The following MDGA1 variants were observed in gnomAD, a reference collection of about 807,000 sequenced individuals.
MDGA1 encodes the protein MAM domain-containing glycosylphosphatidylinositol anchor protein 1.
In MDGA1, 54 loss-of-function variants were observed where a neutral mutation model predicts 101.5. That is an observed-to-expected ratio of 0.53 (90% CI 0.43 to 0.67). The LOEUF (loss-of-function observed/expected upper bound fraction) is 0.67. Among genes scored for constraint, MDGA1 ranks in the 30% least tolerant of loss-of-function variants. The pLI is 0.00. For synonymous variants in MDGA1, 533 were observed against 558.3 expected, an observed-to-expected ratio of 0.95 and a Z score of 0.64; for missense variants, 1,083 against 1,323.8, an observed-to-expected ratio of 0.82 and a Z score of 2.82.
intron 8 of MDGA1, among the ~76,000 whole-genome samples, 157 bp from the exon 9 acceptor site, chr6:37,649,423 C>G (rs1344280554): frequency 6.6e-6 from 1 of 152,228 alleles, no homozygotes; most frequent in African/African-American, 2.4e-5. Flanking sequence ...CCTCCAATGG[C>G]CACGATCTTA....
At chr6:37,651,831 C>T (rs1761369210) in intron 7 of MDGA1, among the ~76,000 whole-genome samples, 180 bp downstream of exon 7, 1 of 152,188 alleles carries the variant, frequency 6.6e-6, no homozygotes, top group Non-Finnish European at 1.5e-5. Flanking sequence ...ACCGCTCTAC[C>T]CCAGGACCTA....
chr6:37,674,916 G>T (rs1561858112), intron 1 of MDGA1, among the ~76,000 whole-genome samples: 2 of 152,192 alleles, frequency 1.3e-5, no homozygotes, highest in Non-Finnish European at 2.9e-5. Flanking sequence ...AATTAGCTGA[G>T]TGTGGTGGCA....
Position 37,696,782 on chromosome 6 carries a change from C to A in MDGA1, c.30G>T (p.Ala10=), listed in dbSNP as rs1432868558. Residue 10 remains alanine (A), a synonymous_variant, in exon 1 of 17, where the codon GCG becomes GCT. Coordinates refer to ENST00000434837, the MANE Select transcript of MDGA1 (RefSeq NM_153487.4). This position sits in a 1 kb window ranked among gnomAD's most constrained non-coding sequence, Gnocchi z 5.6. ...GTCCCCGGCAGTGGAAGGGGATCAG[C>A]GCCAGAAGTAGAAGGCAGGTCACCT... MEVTCLLLL[A]LIPFHCRGQG... The A allele has an allele frequency of 1.3e-6, 2 of 1,583,230 alleles. No individual in the cohort carries two copies. The highest frequency in any genetic ancestry group is 1.2e-5 in the South Asian group (1 of 86,488).
chr6:37,673,780 C>T (rs2114074796), intron 1 of MDGA1, among the ~76,000 whole-genome samples: 1 of 152,200 alleles, frequency 6.6e-6, no homozygotes, highest in Non-Finnish European at 1.5e-5. Flanking sequence ...TTGAAACAGC[C>T]CAAACCCACT....
intron 1 of MDGA1, among the ~76,000 whole-genome samples, chr6:37,669,092 C>T (rs1342653587): frequency 2.0e-5 from 3 of 152,172 alleles, no homozygotes; most frequent in East Asian, 1.9e-4. Flanking sequence ...GTGATCCACC[C>T]TCCTCGGCCT....
chr6:37,658,746 G>A (rs989796471), intron 2 of MDGA1, among the ~76,000 whole-genome samples: 80 of 152,258 alleles, frequency 5.3e-4, no homozygotes, highest in Middle Eastern at 3.4e-3. Context: ...CCAAGCGGGC[G>A]GATCACCTGA....
In MDGA1 at chr6:37,638,184, C is replaced by T. The variant is rs754075234; in HGVS notation, c.2776+21G>A. 2.5e-6 allele frequency: 4 copies of T among 1,603,460 alleles called. No homozygotes were observed. The African/African-American group carries it at 5.4e-5, about 21-fold the overall frequency. ...CAGCTCCCTCCAGATTCAGCTCCCC[C>T]ACCTCCTTCCCGTCTTGCACCTTTA... On this transcript the variant is annotated intron_variant, in intron 16 of 16. Coordinates refer to ENST00000434837, the MANE Select transcript of MDGA1 (RefSeq NM_153487.4). The surrounding 1 kb of genome is among the most constrained non-coding windows in gnomAD (Gnocchi z 4.8).
At chr6:37,642,248 C>T (rs1214447392) in intron 14 of MDGA1, among the ~76,000 whole-genome samples, 5 of 142,902 alleles carry the variant, frequency 3.5e-5, no homozygotes, top group Non-Finnish European at 6.0e-5. Flanking sequence ...GGCGTGATCT[C>T]GGCTCACGGC....
intron 16 of MDGA1, among the ~76,000 whole-genome samples, chr6:37,637,742 A>G (rs796359260): frequency 6.6e-6 from 1 of 152,330 alleles, no homozygotes; most frequent in African/African-American, 2.4e-5. Flanking sequence ...AATGGGTCCA[A>G]TGGTGTGTAC....
intron 13 of MDGA1, 66 bp from the exon 14 acceptor site, chr6:37,644,009 C>G: frequency 6.3e-7 from 1 of 1,590,616 alleles, no homozygotes; most frequent in Non-Finnish European, 8.5e-7. Context: ...ACCTGATTCC[C>G]TCTCTGCCTA....
intron 1 of MDGA1, among the ~76,000 whole-genome samples, chr6:37,680,322 A>C (rs974232235): frequency 3.3e-5 from 5 of 152,240 alleles, no homozygotes; most frequent in Non-Finnish European, 7.3e-5. Flanking sequence ...AAAGGAAGCC[A>C]GCCTGCTCAG....
At chr6:37,646,589 C>T (rs990594798) in intron 10 of MDGA1, among the ~76,000 whole-genome samples, 1 of 152,178 alleles carries the variant, frequency 6.6e-6, no homozygotes, top group Non-Finnish European at 1.5e-5. Context: ...AATTACAATC[C>T]TATGAGGCAA....
chr6:37,666,673 T>A (rs776896082), intron 1 of MDGA1, among the ~76,000 whole-genome samples: 1 of 152,216 alleles, frequency 6.6e-6, no homozygotes, highest in African/African-American at 2.4e-5. Context: ...GCCTTGAACA[T>A]AGCAGGTGCT....
At chr6:37,686,549 C>G (rs966932726) in intron 1 of MDGA1, among the ~76,000 whole-genome samples, 2 of 151,916 alleles carry the variant, frequency 1.3e-5, no homozygotes, top group Non-Finnish European at 2.9e-5. Flanking sequence ...GCCTCAGCCT[C>G]CCGAGTAGCT....
chr6:37,688,887 C>T (rs2080876229), intron 1 of MDGA1, among the ~76,000 whole-genome samples: 1 of 152,222 alleles, frequency 6.6e-6, no homozygotes, highest in African/African-American at 2.4e-5. Flanking sequence ...AACCCGAGTC[C>T]AGACTTCTTA....
rs906930138 is a variant in MDGA1, at chr6:37,665,591, C to T, written c.68-1485G>A. ...TGAAACAATTGCCGACCATCTACTG[C>T]CAGACACCGACTAACTGGCCTCCTG... On this transcript the variant is annotated intron_variant, in intron 1 of 16. Transcript: ENST00000434837. Among the ~76,000 whole-genome samples the T allele has an allele frequency of 7.9e-5, 12 of 152,332 alleles. No individual in the cohort carries two copies. In the East Asian group the frequency reaches 1.5e-3, roughly 20 times the overall value.
At chr6:37,661,989 T>C (rs1189968872) in intron 2 of MDGA1, among the ~76,000 whole-genome samples, 2 of 25,408 alleles carry the variant, frequency 7.9e-5, no homozygotes, top group Non-Finnish European at 1.6e-4. Flanking sequence ...AACCTGTCTC[T>C]GAAAAAAAAA....
intron 6 of MDGA1, among the ~76,000 whole-genome samples, chr6:37,654,004 A>G (rs929878806): frequency 2.6e-5 from 4 of 152,214 alleles, no homozygotes; most frequent in Non-Finnish European, 5.9e-5. Flanking sequence ...AATCAATCCT[A>G]GCCCTTCCTA....
intron 1 of MDGA1, among the ~76,000 whole-genome samples, chr6:37,684,629 G>A (rs1042697205): frequency 3.2e-4 from 49 of 152,212 alleles, no homozygotes; most frequent in African/African-American, 1.2e-3. Context: ...TGCCTTCTGC[G>A]GTCTCAGTTT....
Sources: gnomAD v4.1 joint callset for allele counts (sites outside exome capture counted in the v4.1 genomes callset) on GRCh38, gnomAD v4.1.1 for gene constraint, Gnocchi (gnomAD v3.1) non-coding constraint, MANE v1.5 for transcripts, NCBI Gene and HGNC (gene_info 2026-07-23, HGNC 2026-07-21) for gene names.